Variants in IGHMBP2 observed in about 807,000 individuals in gnomAD.
IGHMBP2 encodes immunoglobulin mu DNA binding protein 2, also known as DNA-binding protein SMUBP-2.
Under a neutral mutation model 96.0 loss-of-function variants are expected in IGHMBP2, and 81 were observed. The observed-to-expected ratio is 0.84, with a 90% CI of 0.71 to 1.01. The LOEUF (loss-of-function observed/expected upper bound fraction) is 1.01, where lower values mean the gene tolerates loss of function less well. Among genes scored for constraint, IGHMBP2 ranks in the 50% least tolerant of loss-of-function variants. The pLI is 0.00. For synonymous variants in IGHMBP2, 557 were observed against 548.9 expected (o/e 1.01, Z -0.21); for missense variants, 1,227 against 1,306.3 (o/e 0.94, Z 0.94).
intron 8 of IGHMBP2, among the ~76,000 whole-genome samples, 200 bp downstream of exon 8, chr11:68,929,557 G>A (rs895864923): frequency 2.6e-5 from 4 of 152,280 alleles, no homozygotes; most frequent in East Asian, 1.9e-4. Flanking sequence ...GGGTGGGGTC[G>A]CATCACCTTC....
At chr11:68,917,170 C>T (rs905634639) in intron 6 of IGHMBP2, among the ~76,000 whole-genome samples, 5 of 151,570 alleles carry the variant, frequency 3.3e-5, no homozygotes, top group Non-Finnish European at 4.4e-5. Context: ...GTAGAGACAG[C>T]GTTTCACTGT....
intron 6 of IGHMBP2, among the ~76,000 whole-genome samples, chr11:68,916,923 T>G (rs1266846674): frequency 1.3e-5 from 2 of 149,772 alleles, no homozygotes; most frequent in Admixed American, 1.3e-4. Context: ...CTGTCACCCC[T>G]GCTAAAACTC....
intron 7 of IGHMBP2, among the ~76,000 whole-genome samples, chr11:68,923,076 G>A (rs1858937437): frequency 6.6e-6 from 1 of 152,132 alleles, no homozygotes; most frequent in South Asian, 2.1e-4. Flanking sequence ...TTCCCCTTGA[G>A]TGGTTGTGTT....
In IGHMBP2 at chr11:68,911,549, G is replaced by T. The variant is rs879254002; in HGVS notation, c.657G>T (p.Gly219=). 1.2e-6 allele frequency: 2 copies of T among 1,614,102 alleles called. No individual in the cohort carries two copies. The highest frequency in any genetic ancestry group is 1.7e-6 in the Non-Finnish European group (2 of 1,180,044). ...TCATCCATGGACCTCCTGGCACTGG[G>T]AAAACCACGACTGTGGTTGAGATCA... ...LAIIHGPPGT[G]KTTTVVEIIL... Residue 219 remains glycine (G), a synonymous_variant, in exon 5 of 15, where the codon GGG becomes GGT. Coordinates refer to ENST00000255078, the MANE Select transcript of IGHMBP2 (RefSeq NM_002180.3).
Position 68,936,887 on chromosome 11 carries a change from G to A in IGHMBP2, c.2407G>A (p.Ala803Thr), listed in dbSNP as rs757071286. The A allele has an allele frequency of 3.3e-5, 53 of 1,609,838 alleles. 2 individuals carry two copies. The South Asian group carries it at 4.3e-4, about 13-fold the overall frequency. The change falls in exon 13 of 15, where the codon GCC becomes ACC. Residue 803 changes from alanine to threonine, a missense_variant. Around this residue, in one of 3 missense-constraint regions of IGHMBP2, gnomAD observed 703 missense variants for 770.3 expected, o/e 0.91. Coordinates refer to ENST00000255078, the MANE Select transcript of IGHMBP2 (RefSeq NM_002180.3). The stretch of plus-strand genomic sequence containing the variant: ...ACCCCCAGCAGGGACCGGTGGCCCA[G>A]CCCCTCTCCAGCCAGTGCCCCCTAC... The part of the protein sequence containing the change: ...LGPPAGTGGP[A>T]PLQPVPPTPA...
chr11:68,930,890 C>A (rs1859271673), intron 8 of IGHMBP2, among the ~76,000 whole-genome samples: 1 of 152,128 alleles, frequency 6.6e-6, no homozygotes, highest in Admixed American at 6.5e-5. Flanking sequence ...GAGCATAGAT[C>A]CTCTCTGCCC....
At chr11:68,909,941 T>C (rs1858366536) in intron 4 of IGHMBP2, among the ~76,000 whole-genome samples, 1 of 152,208 alleles carries the variant, frequency 6.6e-6, no homozygotes, top group Non-Finnish European at 1.5e-5. Flanking sequence ...CTGTGCACTT[T>C]TTATGTCCTT....
intron 13 of IGHMBP2, 25 bp from the exon 14 acceptor site, chr11:68,938,157 C>T (rs371737426): frequency 2.5e-6 from 4 of 1,613,464 alleles, no homozygotes; most frequent in Non-Finnish European, 3.4e-6. Context: ...TTTCCGTTTG[C>T]CTGAGTGACG....
At chr11:68,929,780 A>T (rs1385380291) in intron 8 of IGHMBP2, 1 of 984,968 alleles carries the variant, frequency 1.0e-6, no homozygotes, top group South Asian at 4.7e-5. Flanking sequence ...CTGGGCAGAG[A>T]CTCAGCAAAC....
chr11:68,930,289 T>C lies in IGHMBP2; in HGVS notation c.1235+932T>C, dbSNP rs920158418. 3.1e-6 allele frequency: 4 copies of C among 1,287,142 alleles called. No homozygotes were observed. The Admixed American group carries it at 6.9e-5, about 22-fold the overall frequency. The allele number at this position is 1,287,142 out of a possible 1,614,324, so 79.7% of individuals were successfully genotyped here. ...ATTTCTTCAGATTTCGGTTGCCTTT[T>C]GAAACACTTCTCTGTTTCACTGTGG... is the stretch of plus-strand genomic sequence containing the variant. On this transcript the variant is annotated intron_variant, in intron 8 of 14. Coordinates refer to ENST00000255078, the MANE Select transcript of IGHMBP2 (RefSeq NM_002180.3).
Position 68,904,021 on chromosome 11 carries a change from G to A in IGHMBP2, c.69G>A (p.Ala23=), listed in dbSNP as rs1858069581. The A allele has an allele frequency of 6.5e-7, 1 of 1,549,744 alleles. No homozygotes were observed. The highest frequency in any genetic ancestry group is 8.7e-7 in the Non-Finnish European group (1 of 1,146,456). Residue 23 remains alanine, a synonymous_variant, in exon 1 of 15, where the codon GCG becomes GCA. Coordinates refer to ENST00000255078, the MANE Select transcript of IGHMBP2 (RefSeq NM_002180.3). ...QLDLLELERD[A]EVEERRSWQE... ...ACCTGCTGGAGCTTGAGAGAGACGC[G>A]GAGGTGGAGGAGCGCAGGTACGGGA...
chr11:68,936,228 C>CT lies in IGHMBP2; in HGVS notation c.1757-5dup, dbSNP rs1566445852. 1 of 1,613,928 alleles carries CT rather than the reference C, an allele frequency of 6.2e-7. No individual in the cohort carries two copies. Among genetic ancestry groups the CT allele is most frequent in the Admixed American group, 1.7e-5 (1 of 60,030 alleles). ...AACCTGCTTCTCACTCCCCTCTGGC[C>CT]TTTTGTAGGTGAAGTTGGTTTTCTT... On this transcript the variant is annotated splice_polypyrimidine_tract_variant and intron_variant, in intron 12 of 14. Transcript: ENST00000255078.
At chr11:68,914,066 G>A (rs1336137746) in intron 5 of IGHMBP2, among the ~76,000 whole-genome samples, 3 of 152,162 alleles carry the variant, frequency 2.0e-5, no homozygotes, top group African/African-American at 7.2e-5. Flanking sequence ...ACTAGGGAGG[G>A]CAAGGAGGCA....
Position 68,939,911 on chromosome 11 carries a change from C to A in IGHMBP2, c.*180C>A. 1.5e-6 allele frequency: 1 copy of A among 647,742 alleles called. No homozygotes were observed. Among genetic ancestry groups the A allele is most frequent in the Admixed American group, 2.9e-5 (1 of 33,932 alleles). The allele number at this position is 647,742 out of a possible 1,614,324, so 40.1% of individuals were successfully genotyped here. On this transcript the variant is annotated 3_prime_UTR_variant, in exon 15 of 15. Coordinates refer to ENST00000255078, the MANE Select transcript of IGHMBP2 (RefSeq NM_002180.3). ...CCAGGGATAAGCTTTTCCGATGTCA[C>A]AATGTGGAGGAAAGCACCTGGGGGA...
chr11:68,929,238 G>T lies in IGHMBP2; in HGVS notation c.1116G>T (p.Val372=). ...TGCCCGAGAGCTACTTCGACGTGGT[G>T]GTCATTGACGAGTGTGCCCAGGCCC... ...KLLPESYFDV[V]VIDECAQALE... is the part of the protein sequence containing the mutation. Residue 372 remains valine, a synonymous_variant, in exon 8 of 15, where the codon GTG becomes GTT. Coordinates refer to ENST00000255078, the MANE Select transcript of IGHMBP2 (RefSeq NM_002180.3). The T allele has an allele frequency of 6.2e-7, 1 of 1,613,870 alleles. No homozygotes were observed. Among genetic ancestry groups the T allele is most frequent in the Non-Finnish European group, 8.5e-7 (1 of 1,180,032 alleles).
At chr11:68,939,483 T>C (rs558430655) in intron 14 of IGHMBP2, 51 bp from the exon 15 acceptor site, 2 of 1,595,460 alleles carry the variant, frequency 1.3e-6, no homozygotes, top group East Asian at 4.5e-5. Flanking sequence ...AGCTGCAGGA[T>C]CTGCCTCCTT....
At chr11:68,928,156 G>T (rs1165737553) in intron 7 of IGHMBP2, among the ~76,000 whole-genome samples, 2 of 152,226 alleles carry the variant, frequency 1.3e-5, no homozygotes, top group Admixed American at 1.3e-4. Context: ...GACAGCACTT[G>T]CTGGAAATCA....
chr11:68,936,886 A>G lies in IGHMBP2; in HGVS notation c.2406A>G (p.Pro802=). The stretch of plus-strand genomic sequence containing the variant: ...GACCCCCAGCAGGGACCGGTGGCCC[A>G]GCCCCTCTCCAGCCAGTGCCCCCTA... ...ALGPPAGTGG[P]APLQPVPPTP... The change falls in exon 13 of 15, where the codon CCA becomes CCG. Residue 802 remains proline, a synonymous_variant. Coordinates refer to ENST00000255078, the MANE Select transcript of IGHMBP2 (RefSeq NM_002180.3). 6.2e-7 allele frequency: 1 copy of G among 1,610,120 alleles called. No homozygotes were observed. The highest frequency in any genetic ancestry group is 1.1e-5 in the South Asian group (1 of 90,784).
At position 68,908,539 on chromosome 11, in the gene IGHMBP2, T is replaced by C. The variant is rs1858294034; in HGVS notation, c.455T>C (p.Leu152Pro). The change falls in exon 4 of 15, where the codon CTG becomes CCG. Residue 152 changes from leucine to proline, a missense_variant. By Grantham distance (98) the Leu-to-Pro change is moderately conservative. This residue lies in a region of IGHMBP2 where 507 missense variants were observed against 496.9 expected (regional missense o/e 1.02). Coordinates refer to ENST00000255078, the MANE Select transcript of IGHMBP2 (RefSeq NM_002180.3). ...TTAGTTTTCTCCCTTGGCAGAGCCC[T>C]GATTGCTCTAAAGAAGTATCATTCT... ...DVTYRRLKKA[L>P]IALKKYHSGP... is the part of the protein sequence containing the mutation. 2 of 1,613,406 alleles carry C rather than the reference T, an allele frequency of 1.2e-6. No homozygotes were observed. The highest frequency in any genetic ancestry group is 1.7e-6 in the Non-Finnish European group (2 of 1,179,348).
Sources: allele counts gnomAD v4.1 joint callset (sites outside exome capture counted in the v4.1 genomes callset), GRCh38; gene constraint gnomAD v4.1.1; regional missense constraint gnomAD v4.1.1; transcripts MANE v1.5; gene names NCBI Gene and HGNC (gene_info 2026-07-23, HGNC 2026-07-21).